The following ARHGEF3 variants were observed in gnomAD, a reference collection of about 807,000 sequenced individuals.
The protein encoded by ARHGEF3 is 59.8 kDA protein.
ARHGEF3 carries 28 observed loss-of-function variants against 63.2 expected under a neutral mutation model. That is an observed-to-expected ratio of 0.44 (90% CI 0.33 to 0.61). The LOEUF (loss-of-function observed/expected upper bound fraction) is 0.61, where lower values mean the gene tolerates loss of function less well. Ranked by LOEUF, ARHGEF3 falls within the 20% of genes least tolerant of loss-of-function variation. The pLI, the probability that ARHGEF3 is intolerant of heterozygous loss-of-function variation, is 0.03. For synonymous variants in ARHGEF3, 266 were observed against 254.2 expected, an observed-to-expected ratio of 1.05 and a Z score of -0.44; for missense variants, 533 against 659.3, an observed-to-expected ratio of 0.81 and a Z score of 2.10.
intron 1 of ARHGEF3, chr3:57,075,513 GAA>G (rs34125130): frequency 0.023 from 3,405 of 147,078 alleles, 92 homozygotes; most frequent in African/African-American, 0.07. Context: ...CTTTTTTTAA[GAA>G]AAAAAAAAAA....
chr3:56,921,922 T>C (rs775754207), intron 3 of ARHGEF3, among the ~76,000 whole-genome samples: 2 of 152,258 alleles, frequency 1.3e-5, no homozygotes, highest in African/African-American at 4.8e-5. Context: ...TTGCTAGTCA[T>C]GGCTAATCTT....
intron 3 of ARHGEF3, among the ~76,000 whole-genome samples, chr3:56,906,355 T>G (rs2041682795): frequency 6.6e-6 from 1 of 152,204 alleles, no homozygotes; most frequent in South Asian, 2.1e-4. Context: ...CACTTACTGG[T>G]GCTCTGTGGA....
At chr3:56,813,852 C>T (rs187314335) in intron 4 of ARHGEF3, among the ~76,000 whole-genome samples, 8 of 152,148 alleles carry the variant, frequency 5.3e-5, no homozygotes, top group Non-Finnish European at 1.2e-4. Flanking sequence ...CTCCCTCCCA[C>T]ACCCCCACCC....
chr3:57,012,922 G>A (rs112284041), intron 2 of ARHGEF3, among the ~76,000 whole-genome samples: 19 of 152,338 alleles, frequency 1.2e-4, no homozygotes, highest in African/African-American at 2.9e-4. Context: ...GCACGGGCTC[G>A]CAGGCCAGCG....
rs911438220 is a variant in ARHGEF3 at position 56,748,325 on chromosome 3, T to C, written c.612+2731A>G. Reference sequence around the variant, plus strand: ...GATTACAGACGTGAGCCACTGTGCTTGGGCCCTAGAATATTTTTATTGAAG... The same window carrying C: ...GATTACAGACGTGAGCCACTGTGCTCGGGCCCTAGAATATTTTTATTGAAG... On this transcript the variant is annotated intron_variant, in intron 6 of 9. Transcript: ENST00000296315. Among the ~76,000 whole-genome samples, 5 of 152,214 alleles carry C rather than the reference T, an allele frequency of 3.3e-5. 1 individual carries two copies. The highest frequency in any genetic ancestry group is 6.5e-5 in the Admixed American group (1 of 15,296).
At chr3:56,859,844 G>C (rs2040009848) in intron 4 of ARHGEF3, among the ~76,000 whole-genome samples, 1 of 151,926 alleles carries the variant, frequency 6.6e-6, no homozygotes, top group Non-Finnish European at 1.5e-5. Context: ...AGCCCCGTTG[G>C]TACACTTCTG....
At chr3:56,987,203 C>A (rs1338893348) in intron 2 of ARHGEF3, among the ~76,000 whole-genome samples, 1 of 152,174 alleles carries the variant, frequency 6.6e-6, no homozygotes, top group Non-Finnish European at 1.5e-5. Context: ...TGGAGTGAGA[C>A]CCTGACTCAG....
At chr3:56,784,690 G>T (rs1438678374) in intron 1 of ARHGEF3, among the ~76,000 whole-genome samples, 1 of 152,208 alleles carries the variant, frequency 6.6e-6, no homozygotes, top group Non-Finnish European at 1.5e-5. Flanking sequence ...CATTTTCTGG[G>T]CTCTCTCAGA....
chr3:56,938,236 G>C (rs1698999844), intron 3 of ARHGEF3, among the ~76,000 whole-genome samples: 1 of 152,102 alleles, frequency 6.6e-6, no homozygotes, highest in Admixed American at 6.5e-5. Context: ...AGCCTGAGTG[G>C]AGACTGACAA....
At chr3:56,919,257 A>C (rs900206445) in intron 3 of ARHGEF3, among the ~76,000 whole-genome samples, 7 of 152,202 alleles carry the variant, frequency 4.6e-5, no homozygotes, top group African/African-American at 1.7e-4. Flanking sequence ...CATAAGAAGT[A>C]CTGTATGGGC....
At chr3:56,968,879 AACAGCACAGTT>A (rs1553794618) in intron 2 of ARHGEF3, among the ~76,000 whole-genome samples, 3 of 152,322 alleles carry the variant, frequency 2.0e-5, no homozygotes, top group Non-Finnish European at 4.4e-5. Flanking sequence ...CATCATATTG[AACAGCACAGTT>A]ATAGAAAAAT....
chr3:57,076,468 G>A (rs995390435), intron 1 of ARHGEF3, among the ~76,000 whole-genome samples: 6 of 152,132 alleles, frequency 3.9e-5, no homozygotes, highest in East Asian at 1.9e-4. Flanking sequence ...GCCACATCTC[G>A]TCCTCAACAG....
intron 2 of ARHGEF3, among the ~76,000 whole-genome samples, chr3:56,760,994 A>G (rs539228267): frequency 8.5e-5 from 13 of 152,318 alleles, no homozygotes; most frequent in African/African-American, 3.1e-4. Context: ...CCATTTGTCC[A>G]GGTGAGGTTA....
intron 2 of ARHGEF3, among the ~76,000 whole-genome samples, chr3:57,015,613 T>TTC (rs1702962802): frequency 6.6e-6 from 1 of 150,558 alleles, no homozygotes. Context: ...TTTTTTTTTT[T>TTC]TTTTTTTTAG....
chr3:56,774,940 G>A, intron 1 of ARHGEF3: 1 of 1,286,672 alleles, frequency 7.8e-7, no homozygotes. Context: ...AAAAAAACAG[G>A]CTATGGGGAA....
intron 3 of ARHGEF3, among the ~76,000 whole-genome samples, chr3:56,889,984 C>G (rs2041061980): frequency 6.6e-6 from 1 of 151,536 alleles, no homozygotes; most frequent in Non-Finnish European, 1.5e-5. Flanking sequence ...ATCGCTGGAA[C>G]CCAGGAGGCA....
intron 1 of ARHGEF3, chr3:57,074,502 T>C (rs191538203): frequency 5.4e-6 from 3 of 558,036 alleles, no homozygotes; most frequent in Middle Eastern, 4.9e-4. Flanking sequence ...GGTCACACAA[T>C]CCAGATCTCA....
chr3:56,745,363 G>A lies in ARHGEF3; in HGVS notation c.712C>T (p.Leu238=). ...KKQDHRVQDF[L]QRCLESPFSR... The stretch of plus-strand genomic sequence containing the variant: ...AAGGGGGATTCTAAACATCGCTGTA[G>A]GAAATCCTGGACTCGGTGATCTTGC... Residue 238 remains leucine, a synonymous_variant, in exon 7 of 10, where the codon CTA becomes TTA. Transcript: ENST00000296315. The A allele has an allele frequency of 6.2e-7, 1 of 1,614,070 alleles. No homozygotes were observed.
At chr3:56,828,477 C>T (rs533523512) in intron 4 of ARHGEF3, among the ~76,000 whole-genome samples, 3 of 151,988 alleles carry the variant, frequency 2.0e-5, no homozygotes, top group Non-Finnish European at 2.9e-5. Context: ...GAGTTTGCAG[C>T]GGGCCAAGAC....
Sources: allele counts gnomAD v4.1 joint callset (sites outside exome capture counted in the v4.1 genomes callset), GRCh38; gene constraint gnomAD v4.1.1; transcripts MANE v1.5; gene names NCBI Gene and HGNC (gene_info 2026-07-23, HGNC 2026-07-21).